GPD1L: variants seen among roughly 807,000 people sequenced by gnomAD.
GPD1L encodes glycerol-3-phosphate dehydrogenase 1-like protein.
A neutral mutation model predicts 32.9 loss-of-function variants in GPD1L; 17 were observed. That is an observed-to-expected ratio of 0.52 (90% CI 0.35 to 0.78). GPD1L has a LOEUF of 0.78. Ranked by LOEUF, GPD1L falls within the 30% of genes least tolerant of loss-of-function variation. The pLI is 0.01. For missense variants in GPD1L, 361 were observed against 447.8 expected, an observed-to-expected ratio of 0.81 and a Z score of 1.75; for synonymous variants, 187 against 165.9, an observed-to-expected ratio of 1.13 and a Z score of -0.98.
intron 5 of GPD1L, among the ~76,000 whole-genome samples, chr3:32,152,410 A>G (rs929612906): frequency 3.3e-5 from 5 of 152,146 alleles, no homozygotes; most frequent in Admixed American, 6.5e-5. Flanking sequence ...ACAGAAATGT[A>G]TTGGCTCATA....
At position 32,146,728 on chromosome 3, in the gene GPD1L, G is replaced by A. The variant is rs770011428; in HGVS notation, c.612G>A (p.Ala204=). The stretch of plus-strand genomic sequence containing the variant: ...CAGACACTGTTGAACTCTGTGGTGC[G>A]CTTAAGGTAAAGTCAGCCTCAGGGG... ...DDADTVELCG[A]LKNIVAVGAG... is the part of the protein sequence containing the mutation. The change falls in exon 5 of 8, where the codon GCG becomes GCA. Residue 204 remains alanine (A), a synonymous_variant. Coordinates refer to ENST00000282541, the MANE Select transcript of GPD1L (RefSeq NM_015141.4). 8.8e-6 allele frequency: 14 copies of A among 1,594,156 alleles called. No individual in the cohort carries two copies. Among genetic ancestry groups the A allele is most frequent in the African/African-American group, 5.4e-5 (4 of 74,208 alleles).
At chr3:32,158,841 G>T in intron 5 of GPD1L, 35 bp from the exon 6 acceptor site, 1 of 1,606,266 alleles carries the variant, frequency 6.2e-7, no homozygotes, top group Non-Finnish European at 8.5e-7. Context: ...GGTGGGTGCT[G>T]TAACGGCATC....
intron 1 of GPD1L, among the ~76,000 whole-genome samples, chr3:32,116,224 T>C (rs1185761694): frequency 6.6e-6 from 1 of 152,230 alleles, no homozygotes; most frequent in East Asian, 1.9e-4. Flanking sequence ...CTTTGACAAC[T>C]GTAATATGTT....
intron 1 of GPD1L, among the ~76,000 whole-genome samples, chr3:32,107,921 A>C (rs1454278056): frequency 6.6e-6 from 1 of 152,170 alleles, no homozygotes; most frequent in Non-Finnish European, 1.5e-5. Context: ...TGCTAAGTCA[A>C]TACTAAGACT....
At position 32,129,630 on chromosome 3, in the gene GPD1L, C is replaced by T. The variant is rs537664402; in HGVS notation, c.225+1377C>T. Among the ~76,000 whole-genome samples the T allele has an allele frequency of 2.0e-5, 3 of 152,284 alleles. No individual in the cohort carries two copies. The East Asian group carries it at 5.8e-4, about 29-fold the overall frequency. On this transcript the variant is annotated intron_variant, in intron 2 of 7. Transcript: ENST00000282541. The stretch of plus-strand genomic sequence containing the variant: ...GGACGCATCCCTGAGCATGCCGAAT[C>T]TGTTGCCTTCTAGACAGTGATGACT...
intron 2 of GPD1L, among the ~76,000 whole-genome samples, chr3:32,132,168 G>A (rs1700595502): frequency 6.6e-6 from 1 of 152,044 alleles, no homozygotes; most frequent in Non-Finnish European, 1.5e-5. Flanking sequence ...TTGCTTGATG[G>A]TATCCTTTGA....
intron 1 of GPD1L, among the ~76,000 whole-genome samples, chr3:32,114,789 C>T (rs1025646569): frequency 2.6e-5 from 4 of 152,148 alleles, no homozygotes; most frequent in African/African-American, 9.7e-5. Context: ...TTTCTTCCTT[C>T]CAGTGGGTTC....
At position 32,162,540 on chromosome 3, in the gene GPD1L, C is replaced by T. The variant is rs1420849275; in HGVS notation, c.959+2866C>T. On this transcript the variant is annotated intron_variant, in intron 7 of 7. Coordinates refer to ENST00000282541, the MANE Select transcript of GPD1L (RefSeq NM_015141.4). ...AGCTGGGACTACAGGCGCCCGCCAC[C>T]GCGCCCGGCTAATTTTTTGTATTTT... 3.5e-5 allele frequency among the ~76,000 whole-genome samples: 4 copies of T among 115,096 alleles called. 2 individuals are homozygous for T. Among genetic ancestry groups the T allele is most frequent in the African/African-American group, 7.9e-5 (2 of 25,188 alleles). The allele number at this position is 115,096 out of a possible 152,430, so 75.5% of individuals were successfully genotyped here.
chr3:32,140,427 A>T, intron 4 of GPD1L, 61 bp downstream of exon 4: 1 of 1,560,908 alleles, frequency 6.4e-7, no homozygotes, highest in South Asian at 1.1e-5. Flanking sequence ...ACATGTACAT[A>T]TTCCATTTCT....
At chr3:32,110,541 A>C (rs1700231389) in intron 1 of GPD1L, among the ~76,000 whole-genome samples, 1 of 152,280 alleles carries the variant, frequency 6.6e-6, no homozygotes. Context: ...CATCAGTTGC[A>C]ATACAGTTAT....
In GPD1L at chr3:32,121,491, A is replaced by C. The variant is rs183881587; in HGVS notation, c.48-6585A>C. On this transcript the variant is annotated intron_variant, in intron 1 of 7. Transcript: ENST00000282541. ...TTTCTCTCTATATATATTTCTCTCT[A>C]TATATATTTCTCTCTATATATATTT... Among the ~76,000 whole-genome samples, 822 of 125,086 alleles carry C rather than the reference A, an allele frequency of 6.6e-3. 170 individuals are homozygous for C. The highest frequency in any genetic ancestry group is 0.028 in the African/African-American group (764 of 26,974). The allele number at this position is 125,086 out of a possible 152,430, so 82.1% of individuals were successfully genotyped here.
rs148464224 is a variant in GPD1L at position 32,159,002 on chromosome 3, G to A, written c.745G>A (p.Val249Met). The change falls in exon 6 of 8, where the codon GTG becomes ATG. Residue 249 changes from valine (V) to methionine (M), a missense_variant. Coordinates refer to ENST00000282541, the MANE Select transcript of GPD1L (RefSeq NM_015141.4). The stretch of plus-strand genomic sequence containing the variant: ...TGCCAGGATCTTCTGCAAAGGCCAA[G>A]TGTCTACAGCCACCTTCCTAGAGAG... ...AFARIFCKGQ[V>M]STATFLESCG... is the part of the protein sequence containing the mutation. 3 of 1,613,998 alleles carry A rather than the reference G, an allele frequency of 1.9e-6. No homozygotes were observed. The highest frequency in any genetic ancestry group is 2.5e-6 in the Non-Finnish European group (3 of 1,180,056).
rs139494055 is a variant in GPD1L at position 32,140,328 on chromosome 3, A to G, written c.467A>G (p.Asn156Ser). 41 of 1,614,036 alleles carry G rather than the reference A, an allele frequency of 2.5e-5. No homozygotes were observed. The African/African-American group carries it at 3.5e-4, about 14-fold the overall frequency. ...GTGCTGATGGGAGCCAACATTGCCAATGAGGTGGCTGCAGAGAAGTTCTGT... is the reference window on the plus strand; with the variant it reads ...GTGCTGATGGGAGCCAACATTGCCAGTGAGGTGGCTGCAGAGAAGTTCTGT... ...ISVLMGANIANEVAAEKFCET... is the reference protein window; with the variant it reads ...ISVLMGANIASEVAAEKFCET... Residue 156 changes from asparagine to serine, a missense_variant, in exon 4 of 8, where the codon AAT becomes AGT. By Grantham distance (46) the Asn-to-Ser change is conservative. Coordinates refer to ENST00000282541, the MANE Select transcript of GPD1L (RefSeq NM_015141.4).
intron 1 of GPD1L, among the ~76,000 whole-genome samples, chr3:32,115,703 C>T (rs1337158066): frequency 2.0e-5 from 3 of 147,780 alleles, no homozygotes; most frequent in Admixed American, 7.0e-5. Context: ...CATGTAGCTA[C>T]CTCAGCTTGA....
intron 7 of GPD1L, 52 bp downstream of exon 7, chr3:32,159,726 C>A: frequency 9.1e-7 from 1 of 1,097,840 alleles, no homozygotes; most frequent in Non-Finnish European, 1.4e-6. Flanking sequence ...CATTCCTATT[C>A]TCAGGACTTC....
At chr3:32,156,882 C>T (rs1238358279) in intron 5 of GPD1L, among the ~76,000 whole-genome samples, 3 of 152,174 alleles carry the variant, frequency 2.0e-5, no homozygotes, top group Admixed American at 1.3e-4. Flanking sequence ...TTAAAATACA[C>T]TTATTTTAAC....
intron 2 of GPD1L, among the ~76,000 whole-genome samples, chr3:32,130,732 A>T (rs1283052635): frequency 6.9e-6 from 1 of 145,230 alleles, no homozygotes; most frequent in South Asian, 2.2e-4. Flanking sequence ...GCACTTTGGG[A>T]CCGAGCGCAG....
intron 4 of GPD1L, among the ~76,000 whole-genome samples, chr3:32,145,402 G>A (rs1344728418): frequency 1.3e-5 from 2 of 152,096 alleles, no homozygotes; most frequent in Admixed American, 6.5e-5. Flanking sequence ...ATATGAGATT[G>A]CTATAAATCA....
At chr3:32,139,535 T>C (rs912230484) in intron 3 of GPD1L, among the ~76,000 whole-genome samples, 3 of 152,232 alleles carry the variant, frequency 2.0e-5, no homozygotes, top group Admixed American at 6.5e-5. Context: ...ATTCTGAGAA[T>C]GAGTCCATAA....
Sources: allele counts gnomAD v4.1 joint callset (sites outside exome capture counted in the v4.1 genomes callset), GRCh38; gene constraint gnomAD v4.1.1; transcripts MANE v1.5; gene names NCBI Gene and HGNC (gene_info 2026-07-23, HGNC 2026-07-21).